The following IGFBP7 variants were observed in gnomAD, a reference collection of about 807,000 sequenced individuals.
The protein encoded by IGFBP7 is insulin like growth factor binding protein 7.
A neutral mutation model predicts 29.4 loss-of-function variants in IGFBP7; 31 were observed. That is an observed-to-expected ratio of 1.05 (90% confidence interval 0.79 to 1.42). IGFBP7 has a LOEUF of 1.42. Ranked by LOEUF, IGFBP7 falls within the 40% of genes most tolerant of loss-of-function variation. IGFBP7 has a pLI of 0.00. For synonymous variants in IGFBP7, 172 were observed against 174.9 expected, an observed-to-expected ratio of 0.98 and a Z score of 0.13; for missense variants, 393 against 395.5, an observed-to-expected ratio of 0.99 and a Z score of 0.05.
chr4:57,063,450 A>G (rs1212497141), intron 1 of IGFBP7, among the ~76,000 whole-genome samples: 1 of 152,246 alleles, frequency 6.6e-6, no homozygotes, highest in Non-Finnish European at 1.5e-5. Context: ...CAAACTGCTG[A>G]GTAGTTGAGT....
chr4:57,075,448 C>A (rs1289086471), intron 1 of IGFBP7, among the ~76,000 whole-genome samples: 2 of 59,208 alleles, frequency 3.4e-5, no homozygotes, highest in Non-Finnish European at 3.8e-5. Flanking sequence ...ATCCTGGCCC[C>A]TGCAGGAGTG....
chr4:57,045,430 G>GA (rs1366715655), intron 1 of IGFBP7, among the ~76,000 whole-genome samples: 2 of 152,218 alleles, frequency 1.3e-5, no homozygotes, highest in Admixed American at 1.3e-4. Flanking sequence ...AAAGTGCTAA[G>GA]AAATAAGGCT....
At chr4:57,077,696 A>G (rs934455428) in intron 1 of IGFBP7, among the ~76,000 whole-genome samples, 53 of 152,334 alleles carry the variant, frequency 3.5e-4, no homozygotes, top group Middle Eastern at 3.4e-3. Context: ...AAGCATCATC[A>G]GTCTTCAGGA....
chr4:57,068,608 A>T (rs1578630091), intron 1 of IGFBP7, among the ~76,000 whole-genome samples: 2 of 152,350 alleles, frequency 1.3e-5, no homozygotes, highest in East Asian at 3.9e-4. Flanking sequence ...GGATTTTGTC[A>T]TATTATTTTC....
chr4:57,046,213 A>C lies in IGFBP7; in HGVS notation c.476-5280T>G, dbSNP rs114589542. On this transcript the variant is annotated intron_variant, in intron 1 of 4. Transcript: ENST00000295666. ...ACAATGCCAGCCCCAACAATGCTGC[A>C]CTCTCCTCCCCGACTCTCAAGAACT... 8.3e-3 allele frequency among the ~76,000 whole-genome samples: 1,265 copies of C among 151,794 alleles called. 12 individuals carry two copies. The highest frequency in any genetic ancestry group is 0.03 in the African/African-American group (1,223 of 41,370).
chr4:57,073,183 T>A lies in IGFBP7; in HGVS notation c.476-32250A>T, dbSNP rs13108418. ...GTCGTCTTTTTAAGTTTTCCTTAGATGGTCTGTCCTTTCTGTGATTTTTGT... is the reference window on the plus strand; with the variant it reads ...GTCGTCTTTTTAAGTTTTCCTTAGAAGGTCTGTCCTTTCTGTGATTTTTGT... On this transcript the variant is annotated intron_variant, in intron 1 of 4. Coordinates refer to ENST00000295666, the MANE Select transcript of IGFBP7 (RefSeq NM_001553.3). 15 of 1,333,888 alleles carry A rather than the reference T, an allele frequency of 1.1e-5. No individual in the cohort carries two copies. In the East Asian group the frequency reaches 3.6e-4, roughly 32 times the overall value. 82.6% of individuals were successfully genotyped at this position (1,333,888 alleles called of 1,614,324 possible).
chr4:57,060,135 G>T (rs551119490), intron 1 of IGFBP7, among the ~76,000 whole-genome samples: 2 of 152,298 alleles, frequency 1.3e-5, no homozygotes, highest in East Asian at 3.9e-4. Flanking sequence ...AACAGGCGAA[G>T]TGCAACTGGT....
intron 1 of IGFBP7, among the ~76,000 whole-genome samples, chr4:57,079,297 C>T (rs1432685972): frequency 6.6e-6 from 1 of 152,024 alleles, no homozygotes; most frequent in Non-Finnish European, 1.5e-5. Context: ...TGCTAAAATT[C>T]ACATCCCACT....
chr4:57,031,278 A>T lies in IGFBP7; in HGVS notation c.*39T>A. ...AGAACAGGTAATGTAGTTATCCATG[A>T]CTACTTTTAACCATGCAGACTAATA... On this transcript the variant is annotated 3_prime_UTR_variant, in exon 5 of 5. Transcript: ENST00000295666. 1.9e-6 allele frequency: 3 copies of T among 1,548,562 alleles called. No homozygotes were observed. Among genetic ancestry groups the T allele is most frequent in the Non-Finnish European group, 2.7e-6 (3 of 1,122,182 alleles).
At chr4:57,041,005 AAAT>A (rs1724210354) in intron 1 of IGFBP7, 72 bp from the exon 2 acceptor site, 4 of 1,008,128 alleles carry the variant, frequency 4.0e-6, no homozygotes, top group Middle Eastern at 2.0e-4. Flanking sequence ...CTTAGGGAGA[AAAT>A]AATAATTTTG....
chr4:57,071,033 C>T (rs1033086438), intron 1 of IGFBP7, among the ~76,000 whole-genome samples: 1 of 152,158 alleles, frequency 6.6e-6, no homozygotes, highest in African/African-American at 2.4e-5. Context: ...ACACACCTGG[C>T]CCTGCAAGTT....
intron 4 of IGFBP7, among the ~76,000 whole-genome samples, chr4:57,031,665 G>A (rs1429401353): frequency 6.6e-6 from 1 of 152,188 alleles, no homozygotes; most frequent in Non-Finnish European, 1.5e-5. Flanking sequence ...AGGTAAAGTG[G>A]AGGAATAATT....
chr4:57,050,847 T>A (rs1416949557), intron 1 of IGFBP7, among the ~76,000 whole-genome samples: 2 of 152,092 alleles, frequency 1.3e-5, no homozygotes, highest in Non-Finnish European at 2.9e-5. Context: ...CATGAGCCAC[T>A]GTTCATGGCC....
chr4:57,105,105 T>G (rs1001798808), intron 1 of IGFBP7, among the ~76,000 whole-genome samples: 1 of 152,182 alleles, frequency 6.6e-6, no homozygotes, highest in Non-Finnish European at 1.5e-5. Flanking sequence ...GGAAGGTCTA[T>G]AGTAGCCAAC....
At chr4:57,042,900 C>T (rs1213470535) in intron 1 of IGFBP7, among the ~76,000 whole-genome samples, 2 of 152,174 alleles carry the variant, frequency 1.3e-5, no homozygotes, top group African/African-American at 4.8e-5. Flanking sequence ...CTAAATAAGA[C>T]ATTATGGGAA....
intron 1 of IGFBP7, among the ~76,000 whole-genome samples, chr4:57,041,676 T>C (rs1724229808): frequency 6.6e-6 from 1 of 152,082 alleles, no homozygotes; most frequent in Admixed American, 6.5e-5. Context: ...GCTGGGACTA[T>C]AGGCGTGCAC....
Position 57,110,229 on chromosome 4 carries a change from C to T in IGFBP7, c.123G>A (p.Pro41=). Reference sequence around the variant, plus strand: ...GCAGGCAGCCCAGCGGGGGCAGGGGCGGGCAGGAGGCCGGCTCGCAGGGGC... The same window carrying T: ...GCAGGCAGCCCAGCGGGGGCAGGGGTGGGCAGGAGGCCGGCTCGCAGGGGC... ...TCGPCEPASC[P]PLPPLGCLLG... is the part of the protein sequence containing the mutation. Residue 41 remains proline (P), a synonymous_variant, in exon 1 of 5, where the codon CCG becomes CCA. Transcript: ENST00000295666. The T allele has an allele frequency of 7.3e-7, 1 of 1,378,820 alleles. No homozygotes were observed. The highest frequency in any genetic ancestry group is 1.7e-5 in the South Asian group (1 of 58,900). The allele number at this position is 1,378,820 out of a possible 1,614,324, so 85.4% of individuals were successfully genotyped here.
At chr4:57,053,629 G>A (rs1024061835) in intron 1 of IGFBP7, among the ~76,000 whole-genome samples, 1 of 152,118 alleles carries the variant, frequency 6.6e-6, no homozygotes, top group African/African-American at 2.4e-5. Flanking sequence ...AGCTCCCCTA[G>A]GAAGCTGGAA....
chr4:57,037,721 C>T (rs1387285353), intron 2 of IGFBP7, among the ~76,000 whole-genome samples: 3 of 152,166 alleles, frequency 2.0e-5, no homozygotes, highest in African/African-American at 4.8e-5. Flanking sequence ...TTATTCTTTG[C>T]CAAGATTTGC....
Sources: allele counts gnomAD v4.1 joint callset (sites outside exome capture counted in the v4.1 genomes callset), GRCh38; gene constraint gnomAD v4.1.1; transcripts MANE v1.5; gene names NCBI Gene and HGNC (gene_info 2026-07-23, HGNC 2026-07-21).